Variants in DENND4C observed in about 807,000 individuals in gnomAD.
DENND4C encodes the protein DENN domain containing 4C.
DENND4C carries 108 observed loss-of-function variants against 203.0 expected under a neutral mutation model. That is an observed-to-expected ratio of 0.53 (90% confidence interval 0.46 to 0.62). The LOEUF (loss-of-function observed/expected upper bound fraction) is 0.62, where lower values mean the gene tolerates loss of function less well. Among genes scored for constraint, DENND4C ranks in the 20% least tolerant of loss-of-function variants. The probability of loss-of-function intolerance (pLI) is 0.00; values close to 1 mark genes in which losing one functional copy is unlikely to be tolerated. For missense variants in DENND4C, 2,481 were observed against 2,301.2 expected, an observed-to-expected ratio of 1.08 and a Z score of -1.60; for synonymous variants, 871 against 792.4, an observed-to-expected ratio of 1.10 and a Z score of -1.67.
chr9:19,328,572 C>T (rs1588929601), intron 16 of DENND4C, among the ~76,000 whole-genome samples: 1 of 152,090 alleles, frequency 6.6e-6, no homozygotes, highest in East Asian at 1.9e-4. Context: ...GAGATTGTGC[C>T]ACTGCACTCC....
chr9:19,316,432 G>T lies in DENND4C; in HGVS notation c.1503G>T (p.Lys501Asn), dbSNP rs776126298. Reference protein sequence around the residue: ...TNMLYVSDEKKNMNWKQLPKK... With the variant: ...TNMLYVSDEKNNMNWKQLPKK... ...GATTTAATAGATCAGATGAAAAGAA[G>T]AACATGAACTGGAAGCAACTTCCCA... Residue 501 changes from lysine to asparagine, a missense_variant, in exon 11 of 33, where the codon AAG becomes AAT. Lys to Asn is a moderately conservative substitution (Grantham distance 94). Transcript: ENST00000434457. The T allele has an allele frequency of 6.2e-6, 10 of 1,613,004 alleles. No homozygotes were observed. The African/African-American group carries it at 1.3e-4, about 22-fold the overall frequency.
At chr9:19,242,915 A>G (rs1273687695) in intron 1 of DENND4C, among the ~76,000 whole-genome samples, 1 of 152,044 alleles carries the variant, frequency 6.6e-6, no homozygotes, top group Admixed American at 6.6e-5. Context: ...CAGCTTCCCA[A>G]AGTGCTGGGA....
rs189519285 is a variant in DENND4C at position 19,330,951 on chromosome 9, G to A, written c.2254-1027G>A. On this transcript the variant is annotated intron_variant, in intron 16 of 32. Transcript: ENST00000434457. ...GGTGCCTGTAATCCCAGCTACTCAG[G>A]AGGCTGAGGCAGGAGAATCACTTGA... Among the ~76,000 whole-genome samples, 804 of 151,736 alleles carry A rather than the reference G, an allele frequency of 5.3e-3. 21 individuals carry two copies. Among genetic ancestry groups the A allele is most frequent in the Admixed American group, 0.048 (728 of 15,226 alleles).
At position 19,373,196 on chromosome 9, in the gene DENND4C, C is replaced by T. The variant is rs910926705; in HGVS notation, c.*1023C>T. On this transcript the variant is annotated 3_prime_UTR_variant, in exon 33 of 33. Coordinates refer to ENST00000434457, the MANE Select transcript of DENND4C (RefSeq NM_001330640.2). ...TTATTTTTGTACCAACATAATACAC[C>T]TTTCATATTATGTATTATCTTGCTT... The T allele has an allele frequency of 2.0e-5, 3 of 152,068 alleles. No individual in the cohort carries two copies. Among genetic ancestry groups the T allele is most frequent in the African/African-American group, 7.2e-5 (3 of 41,406 alleles). 9.4% of individuals were successfully genotyped at this position (152,068 alleles called of 1,614,324 possible). A position where few individuals can be genotyped will look rare whatever the true frequency, so the allele number is the denominator to read the frequency against.
intron 1 of DENND4C, among the ~76,000 whole-genome samples, chr9:19,269,448 C>A (rs533118039): frequency 2.6e-5 from 4 of 152,166 alleles, no homozygotes; most frequent in Admixed American, 2.6e-4. Context: ...CCTGAGCCAC[C>A]GTGTCCGGCC....
At chr9:19,272,438 A>ACAAAAT (rs928659591) in intron 1 of DENND4C, among the ~76,000 whole-genome samples, 2 of 151,888 alleles carry the variant, frequency 1.3e-5, no homozygotes, top group Non-Finnish European at 2.9e-5. Flanking sequence ...AAAAACAAAA[A>ACAAAAT]CAAAAAACAA....
chr9:19,268,403 G>C (rs550929554), intron 1 of DENND4C, among the ~76,000 whole-genome samples: 58 of 152,242 alleles, frequency 3.8e-4, no homozygotes, highest in African/African-American at 1.3e-3. Context: ...CCTGGTTGTA[G>C]TTATTATTTT....
Position 19,284,960 on chromosome 9 carries a change from T to G in DENND4C, c.306-1809T>G, listed in dbSNP as rs1272937526. On this transcript the variant is annotated intron_variant, in intron 2 of 32. Coordinates refer to ENST00000434457, the MANE Select transcript of DENND4C (RefSeq NM_001330640.2). Reference sequence around the variant, plus strand: ...ATTTTGAGTCATAGTCTTTTCCCACTGCTAGATATACTTTTAGCACTAGTA... The same window carrying G: ...ATTTTGAGTCATAGTCTTTTCCCACGGCTAGATATACTTTTAGCACTAGTA... 1.9e-4 allele frequency among the ~76,000 whole-genome samples: 29 copies of G among 152,206 alleles called. 1 individual carries two copies. Among genetic ancestry groups the G allele is most frequent in the Admixed American group, 1.9e-3 (29 of 15,270 alleles).
intron 30 of DENND4C, among the ~76,000 whole-genome samples, chr9:19,368,565 G>A (rs1828159404): frequency 6.6e-6 from 1 of 152,162 alleles, no homozygotes; most frequent in Non-Finnish European, 1.5e-5. Context: ...TGGAGGCCAA[G>A]GTGGGAGGAT....
intron 27 of DENND4C, 68 bp from the exon 28 acceptor site, chr9:19,357,897 C>G (rs893362151): frequency 1.0e-5 from 13 of 1,261,048 alleles, no homozygotes; most frequent in Middle Eastern, 2.4e-4. Context: ...GTAGAAAATA[C>G]TCTAGCTCTA....
At chr9:19,230,947 C>T (rs577105523) in intron 1 of DENND4C, 114 bp downstream of exon 1, 1 of 152,410 alleles carries the variant, frequency 6.6e-6, no homozygotes, top group South Asian at 2.1e-4. Flanking sequence ...GGCTGAGTTC[C>T]GAGTGGCTGG....
chr9:19,272,756 TTTTTTA>T (rs1186285285), intron 1 of DENND4C, among the ~76,000 whole-genome samples: 1 of 151,926 alleles, frequency 6.6e-6, no homozygotes, highest in Non-Finnish European at 1.5e-5. Flanking sequence ...TTAGACATGT[TTTTTTA>T]TTTTTATTTT....
At chr9:19,256,171 C>G (rs948154639) in intron 1 of DENND4C, among the ~76,000 whole-genome samples, 5 of 151,814 alleles carry the variant, frequency 3.3e-5, no homozygotes, top group Admixed American at 2.0e-4. Context: ...AGTACATTCT[C>G]TGACCATAAG....
chr9:19,302,377 G>C (rs1170751884), intron 9 of DENND4C, among the ~76,000 whole-genome samples: 1 of 152,174 alleles, frequency 6.6e-6, no homozygotes, highest in African/African-American at 2.4e-5. Flanking sequence ...TGAAGAGAAG[G>C]ATATCATATT....
At chr9:19,254,924 G>C (rs1006660879) in intron 1 of DENND4C, among the ~76,000 whole-genome samples, 64 of 152,190 alleles carry the variant, frequency 4.2e-4, no homozygotes, top group African/African-American at 1.5e-3. Flanking sequence ...CTTGAGGTCA[G>C]GAGTTCAGGA....
Position 19,332,200 on chromosome 9 carries a change from TG to T in DENND4C, c.2460+17del, listed in dbSNP as rs757875169. ...CTTAGATGAGGCAAGTATAACAAAT[TG>T]ACATTGTTTCTAAGGTAAATTTTAT... On this transcript the variant is annotated intron_variant, in intron 17 of 32. Transcript: ENST00000434457. 2.5e-6 allele frequency: 4 copies of T among 1,608,150 alleles called. No homozygotes were observed. Among genetic ancestry groups the T allele is most frequent in the Non-Finnish European group, 2.6e-6 (3 of 1,175,666 alleles).
intron 7 of DENND4C, among the ~76,000 whole-genome samples, chr9:19,299,004 A>G (rs1028392523): frequency 2.6e-5 from 4 of 152,124 alleles, no homozygotes; most frequent in African/African-American, 9.7e-5. Context: ...AATTCAGTCA[A>G]ATTAACCATT....
At chr9:19,287,066 A>C (rs1835338904) in intron 3 of DENND4C, 45 bp downstream of exon 3, 1 of 1,230,082 alleles carries the variant, frequency 8.1e-7, no homozygotes, top group African/African-American at 1.6e-5. Flanking sequence ...TGAAACCAAA[A>C]AGGGATACGT....
At chr9:19,316,055 G>T (rs1841794742) in intron 10 of DENND4C, among the ~76,000 whole-genome samples, 1 of 151,962 alleles carries the variant, frequency 6.6e-6, no homozygotes, top group South Asian at 2.1e-4. Flanking sequence ...CTTGTCTTTG[G>T]GCACACAGCA....
Sources: gnomAD v4.1 joint callset for allele counts (sites outside exome capture counted in the v4.1 genomes callset) on GRCh38, gnomAD v4.1.1 for gene constraint, MANE v1.5 for transcripts, NCBI Gene and HGNC (gene_info 2026-07-23, HGNC 2026-07-21) for gene names.